Variants in MTUS1 observed in about 807,000 individuals in gnomAD.
MTUS1 encodes the protein microtubule associated scaffold protein 1.
In MTUS1, 109 loss-of-function variants were observed where a neutral mutation model predicts 120.8. The observed-to-expected ratio is 0.90, with a 90% CI of 0.77 to 1.06. The LOEUF is 1.06. MTUS1 is among the 50% of genes least tolerant of loss of function. The probability of loss-of-function intolerance (pLI) is 0.00; values close to 1 mark genes in which losing one functional copy is unlikely to be tolerated. For missense variants in MTUS1, 2,210 were observed against 1,486.3 expected (o/e 1.49, Z -8.01); for synonymous variants, 737 against 550.5 (o/e 1.34, Z -4.74).
chr8:17,763,472 ACACTCCTGGCTTTTGACT>A (rs2049204664), intron 1 of MTUS1, among the ~76,000 whole-genome samples: 1 of 152,086 alleles, frequency 6.6e-6, no homozygotes, highest in South Asian at 2.1e-4. Flanking sequence ...AATTTGTATA[ACACTCCTGGCTTTTGACT>A]CACTCCATCC....
chr8:17,648,565 G>C (rs1188428389), intron 13 of MTUS1, among the ~76,000 whole-genome samples: 2 of 152,178 alleles, frequency 1.3e-5, no homozygotes, highest in Non-Finnish European at 2.9e-5. Context: ...ATGTATACTA[G>C]GTTGGCCCAT....
In MTUS1 at chr8:17,643,877, T is replaced by C. The variant is rs1431416898; in HGVS notation, c.*2049A>G. On this transcript the variant is annotated 3_prime_UTR_variant, in exon 15 of 15. Coordinates refer to ENST00000693296, the MANE Select transcript of MTUS1 (RefSeq NM_001363059.2). ...CACTACAAACTGAGCACAACTACAGTTGTCTACACATTCATATTTTTGACG... is the reference window on the plus strand; with the variant it reads ...CACTACAAACTGAGCACAACTACAGCTGTCTACACATTCATATTTTTGACG... 6.6e-6 allele frequency: 1 copy of C among 152,364 alleles called. No homozygotes were observed. Among genetic ancestry groups the C allele is most frequent in the Admixed American group, 6.5e-5 (1 of 15,308 alleles). 9.4% of individuals were successfully genotyped at this position (152,364 alleles called of 1,614,324 possible).
chr8:17,714,626 T>G (rs532808812), intron 5 of MTUS1, among the ~76,000 whole-genome samples: 1 of 152,238 alleles, frequency 6.6e-6, no homozygotes, highest in East Asian at 1.9e-4. Flanking sequence ...ACTACTAACT[T>G]AATAAAAAGC....
intron 8 of MTUS1, among the ~76,000 whole-genome samples, chr8:17,671,158 T>C (rs1811940506): frequency 6.6e-6 from 1 of 152,134 alleles, no homozygotes; most frequent in Non-Finnish European, 1.5e-5. Context: ...TAGTATGAAG[T>C]TGTATATATT....
At chr8:17,656,518 A>C (rs1808267261) in intron 8 of MTUS1, among the ~76,000 whole-genome samples, 1 of 146,492 alleles carries the variant, frequency 6.8e-6, no homozygotes, top group African/African-American at 2.5e-5. Context: ...ACAGACTGAG[A>C]CTCCATCTCA....
chr8:17,751,853 ACT>A (rs1416568544), intron 2 of MTUS1, among the ~76,000 whole-genome samples: 5 of 141,850 alleles, frequency 3.5e-5, no homozygotes, highest in African/African-American at 1.1e-4. Context: ...CAAGAACAAG[ACT>A]CTGCCTTAAA....
chr8:17,652,220 C>T (rs1210122194), intron 12 of MTUS1, among the ~76,000 whole-genome samples: 2 of 152,144 alleles, frequency 1.3e-5, no homozygotes, highest in Admixed American at 6.5e-5. Flanking sequence ...GGAAAAAGGA[C>T]AAATGTGCCA....
upstream of MTUS1, among the ~76,000 whole-genome samples, chr8:17,801,147 A>T (rs938053499): frequency 6.8e-6 from 1 of 146,260 alleles, no homozygotes; most frequent in Non-Finnish European, 1.5e-5. Flanking sequence ...GTCGCCGAGA[A>T]CCCGCCCCGG....
intron 8 of MTUS1, among the ~76,000 whole-genome samples, chr8:17,664,246 G>C (rs192963591): frequency 6.6e-6 from 1 of 152,098 alleles, no homozygotes; most frequent in Non-Finnish European, 1.5e-5. Context: ...ATACGCAATA[G>C]AATTTTCCTA....
At chr8:17,767,183 C>A (rs1205700082) in intron 1 of MTUS1, among the ~76,000 whole-genome samples, 6 of 57,944 alleles carry the variant, frequency 1.0e-4, no homozygotes, top group African/African-American at 3.4e-4. Flanking sequence ...ATATCATCCT[C>A]AGGGTAAAAA....
At chr8:17,726,430 G>C (rs1195134536) in intron 3 of MTUS1, among the ~76,000 whole-genome samples, 2 of 152,154 alleles carry the variant, frequency 1.3e-5, no homozygotes, top group Non-Finnish European at 2.9e-5. Flanking sequence ...AGATCAGGAA[G>C]AGCACCTGAT....
intron 4 of MTUS1, chr8:17,721,990 G>T (rs1585952669): frequency 1.4e-6 from 2 of 1,393,942 alleles, no homozygotes; most frequent in East Asian, 2.6e-5. Flanking sequence ...GAATTCGAAT[G>T]GAGGGAAAAA....
At chr8:17,699,747 G>A (rs1201567126) in intron 6 of MTUS1, among the ~76,000 whole-genome samples, 2 of 152,162 alleles carry the variant, frequency 1.3e-5, no homozygotes, top group Non-Finnish European at 2.9e-5. Context: ...TGGTGGCCGT[G>A]CAGCACAAGT....
intron 1 of MTUS1, among the ~76,000 whole-genome samples, chr8:17,774,163 C>A (rs1232433193): frequency 6.6e-6 from 1 of 152,204 alleles, no homozygotes; most frequent in African/African-American, 2.4e-5. Context: ...AACAGCATTT[C>A]TCTCTTAATA....
intron 2 of MTUS1, among the ~76,000 whole-genome samples, chr8:17,749,575 C>T (rs1293557380): frequency 6.7e-6 from 1 of 150,234 alleles, no homozygotes; most frequent in African/African-American, 2.5e-5. Flanking sequence ...GCAAGAGAAT[C>T]ACTTGAACCC....
At chr8:17,786,022 C>A (rs538597254) in intron 1 of MTUS1, among the ~76,000 whole-genome samples, 4 of 152,278 alleles carry the variant, frequency 2.6e-5, no homozygotes, top group Non-Finnish European at 5.9e-5. Flanking sequence ...TGCCCATAGT[C>A]CCAGCTACTC....
intron 1 of MTUS1, among the ~76,000 whole-genome samples, chr8:17,792,794 G>A (rs542083522): frequency 2.9e-4 from 44 of 151,700 alleles, no homozygotes; most frequent in African/African-American, 9.9e-4. Flanking sequence ...AACCTGGGAG[G>A]CGGAGGTTGC....
intron 6 of MTUS1, among the ~76,000 whole-genome samples, chr8:17,710,143 T>C (rs1820999542): frequency 6.6e-6 from 1 of 152,170 alleles, no homozygotes; most frequent in African/African-American, 2.4e-5. Context: ...ACTGACTGAT[T>C]AGGGTAGTGG....
At chr8:17,747,926 C>G (rs569448555) in intron 2 of MTUS1, among the ~76,000 whole-genome samples, 9 of 152,226 alleles carry the variant, frequency 5.9e-5, no homozygotes, top group African/African-American at 1.9e-4. Flanking sequence ...TGCAAGAAAA[C>G]TCTCCCTTAT....
Sources: gnomAD v4.1 joint callset for allele counts (sites outside exome capture counted in the v4.1 genomes callset) on GRCh38, gnomAD v4.1.1 for gene constraint, MANE v1.5 for transcripts, NCBI Gene and HGNC (gene_info 2026-07-23, HGNC 2026-07-21) for gene names.